STX11: variants seen among roughly 807,000 people sequenced by gnomAD.
STX11 encodes syntaxin-11.
In STX11, 21 loss-of-function variants were observed where a neutral mutation model predicts 19.9. The ratio of observed to expected loss-of-function variants is 1.06; its 90% CI spans 0.75 to 1.52. STX11 has a LOEUF of 1.52. Among genes scored for constraint, STX11 ranks in the 40% most tolerant of loss-of-function variants. The pLI, the probability that STX11 is intolerant of heterozygous loss-of-function variation, is 0.00. For synonymous variants in STX11, 193 were observed against 174.4 expected, an observed-to-expected ratio of 1.11 and a Z score of -0.84; for missense variants, 438 against 405.9, an observed-to-expected ratio of 1.08 and a Z score of -0.68.
the STX11 span, among the ~76,000 whole-genome samples, chr6:144,145,144 G>GC: frequency 1.3e-5 from 2 of 152,278 alleles, no homozygotes; most frequent in East Asian, 3.9e-4. Context: ...TGGAAGCAAC[G>GC]CAAGTGTCCA....
At chr6:144,148,730 G>C (rs1288305365), upstream of STX11, among the ~76,000 whole-genome samples, 7 of 152,136 alleles carry the variant, frequency 4.6e-5, no homozygotes, top group African/African-American at 1.7e-4. Flanking sequence ...GTTTCTTCTA[G>C]GCTGCGGCAG....
intron 1 of STX11, among the ~76,000 whole-genome samples, chr6:144,173,373 T>C (rs1801693843): frequency 6.6e-6 from 1 of 152,172 alleles, no homozygotes; most frequent in South Asian, 2.1e-4. Flanking sequence ...ACACTTAGAG[T>C]CTTAGAGCTC....
chr6:144,147,949 C>T (rs952054463), upstream of STX11, among the ~76,000 whole-genome samples: 1 of 152,202 alleles, frequency 6.6e-6, no homozygotes, highest in Admixed American at 6.5e-5. The surrounding 1 kb of genome is among the most constrained non-coding windows in gnomAD (Gnocchi z 4.2). Flanking sequence ...CACAGACACA[C>T]CCAGGATAAT....
At position 144,164,952 on chromosome 6, in the gene STX11, C is replaced by T. The variant is rs928294194; in HGVS notation, c.-6+14249C>T. Among the ~76,000 whole-genome samples, 12 of 152,114 alleles carry T rather than the reference C, an allele frequency of 7.9e-5. No homozygotes were observed. In the East Asian group the frequency reaches 2.3e-3, roughly 29 times the overall value. ...CCTCAGGTGATCCGCCTGCCTCGGC[C>T]TCCCAAAGTGCTGGGATTACAGGTG... is the stretch of plus-strand genomic sequence containing the variant. On this transcript the variant is annotated intron_variant, in intron 1 of 1. Transcript: ENST00000367568.
chr6:144,186,322 A>G (rs1802031043), intron 1 of STX11, among the ~76,000 whole-genome samples: 1 of 103,874 alleles, frequency 9.6e-6, no homozygotes, highest in Admixed American at 7.8e-5. Flanking sequence ...ATAATAAAAT[A>G]TATATAAATA....
Position 144,190,867 on chromosome 6 carries a change from C to A in STX11, c.*3376C>A, listed in dbSNP as rs1402088582. On this transcript the variant is annotated 3_prime_UTR_variant, in exon 2 of 2. Coordinates refer to ENST00000367568, the MANE Select transcript of STX11 (RefSeq NM_003764.4). The stretch of plus-strand genomic sequence containing the variant: ...TCCTGGCCTATTCACCAAAGCCCTT[C>A]CTGGCTCTGACTGCCACACCAGGCA... Among the ~76,000 whole-genome samples, 2 of 152,168 alleles carry A rather than the reference C, an allele frequency of 1.3e-5. No individual in the cohort carries two copies. Among genetic ancestry groups the A allele is most frequent in the African/African-American group, 4.8e-5 (2 of 41,432 alleles).
upstream of STX11, among the ~76,000 whole-genome samples, chr6:144,148,786 A>G (rs1352009457): frequency 2.0e-5 from 3 of 152,200 alleles, no homozygotes; most frequent in African/African-American, 4.8e-5. Context: ...TAGAGACAGC[A>G]TCTGGCTATG....
At chr6:144,171,855 A>G (rs1268807748) in intron 1 of STX11, among the ~76,000 whole-genome samples, 1 of 152,198 alleles carries the variant, frequency 6.6e-6, no homozygotes, top group Non-Finnish European at 1.5e-5. Flanking sequence ...ACTTTTACAT[A>G]CAATATGAGT....
Position 144,187,520 on chromosome 6 carries a change from C to T in STX11, c.*29C>T, listed in dbSNP as rs1409781486. 6.2e-7 allele frequency: 1 copy of T among 1,611,778 alleles called. No homozygotes were observed. The highest frequency in any genetic ancestry group is 8.5e-7 in the Non-Finnish European group (1 of 1,179,918). The stretch of plus-strand genomic sequence containing the variant: ...GCCGGCCCGGGCCGCCACCGCCCAT[C>T]CCAGACCATGGAGCGCGCTGGGAAG... On this transcript the variant is annotated 3_prime_UTR_variant, in exon 2 of 2. Transcript: ENST00000367568. This position sits in a 1 kb window ranked among gnomAD's most constrained non-coding sequence, Gnocchi z 5.6.
At chr6:144,181,867 C>G (rs140073440) in intron 1 of STX11, among the ~76,000 whole-genome samples, 62 of 152,288 alleles carry the variant, frequency 4.1e-4, no homozygotes, top group African/African-American at 1.2e-3. Flanking sequence ...AGCAATACCC[C>G]CTTCCTTCCT....
the STX11 span, among the ~76,000 whole-genome samples, chr6:144,142,644 A>G: frequency 4.6e-5 from 7 of 152,236 alleles, no homozygotes; most frequent in African/African-American, 1.4e-4. Flanking sequence ...TTATTATTTT[A>G]AGTAAAATAA....
intron 1 of STX11, among the ~76,000 whole-genome samples, chr6:144,166,836 C>T (rs1451777316): frequency 6.6e-6 from 1 of 151,310 alleles, no homozygotes; most frequent in Non-Finnish European, 1.5e-5. Context: ...CCACCTTCCC[C>T]CTTTCCCCCT....
rs1426330059 is a variant in STX11, at chr6:144,175,118, C to T, written c.-5-11505C>T. 1.3e-5 allele frequency among the ~76,000 whole-genome samples: 2 copies of T among 152,090 alleles called. No homozygotes were observed. Among genetic ancestry groups the T allele is most frequent in the African/African-American group, 4.8e-5 (2 of 41,418 alleles). Reference sequence around the variant, plus strand: ...GCCAGACATTAGCTGAGCATGGTGACACATGCCTGTAGTTTCAGCTACTCA... The same window carrying T: ...GCCAGACATTAGCTGAGCATGGTGATACATGCCTGTAGTTTCAGCTACTCA... On this transcript the variant is annotated intron_variant, in intron 1 of 1. Transcript: ENST00000367568. This position sits in a 1 kb window ranked among gnomAD's most constrained non-coding sequence, Gnocchi z 5.1.
In STX11 at chr6:144,155,224, G is replaced by A. The variant is rs1466981292; in HGVS notation, c.-6+4521G>A. ...CTTTGGACCATGTAAGGTTTAAAAC[G>A]CCCAATTAATGTTGTACCCAAACTG... On this transcript the variant is annotated intron_variant, in intron 1 of 1. Coordinates refer to ENST00000367568, the MANE Select transcript of STX11 (RefSeq NM_003764.4). The surrounding 1 kb of genome is among the most constrained non-coding windows in gnomAD (Gnocchi z 4.5). Among the ~76,000 whole-genome samples the A allele has an allele frequency of 3.9e-5, 6 of 152,068 alleles. No individual in the cohort carries two copies. Among genetic ancestry groups the A allele is most frequent in the Admixed American group, 6.5e-5 (1 of 15,272 alleles).
At chr6:144,143,161 T>G in the STX11 span, among the ~76,000 whole-genome samples, 1 of 152,198 alleles carries the variant, frequency 6.6e-6, no homozygotes, top group Non-Finnish European at 1.5e-5. Context: ...ATATTTCTAG[T>G]CTGCGTGTAC....
rs1178378072 is a variant in STX11 at position 144,159,069 on chromosome 6, CCTGTA to C, written c.-6+8367_-6+8371del. 1.3e-5 allele frequency among the ~76,000 whole-genome samples: 2 copies of C among 152,154 alleles called. No homozygotes were observed. The highest frequency in any genetic ancestry group is 4.8e-5 in the African/African-American group (2 of 41,426). Reference sequence around the variant, plus strand: ...TTATTATCATTATTCTCTCTAACAGCCTGTAAGAGCAAGAACAGTCTTTTTCATTT... The same window carrying C: ...TTATTATCATTATTCTCTCTAACAGCAGAGCAAGAACAGTCTTTTTCATTT... On this transcript the variant is annotated intron_variant, in intron 1 of 1. Transcript: ENST00000367568. The surrounding 1 kb of genome is among the most constrained non-coding windows in gnomAD (Gnocchi z 4.3).
intron 1 of STX11, among the ~76,000 whole-genome samples, chr6:144,161,602 A>G (rs560233722): frequency 1.7e-4 from 26 of 152,158 alleles, no homozygotes; most frequent in Non-Finnish European, 3.4e-4. Context: ...TCCTGACCTC[A>G]GGTGATCCAC....
Position 144,190,314 on chromosome 6 carries a change from A to G in STX11, c.*2823A>G, listed in dbSNP as rs1198162035. Reference sequence around the variant, plus strand: ...GTTTCCTCATCTGTAAAACGGAGATAACAGTACTTACCTCATAGAGCTGTT... The same window carrying G: ...GTTTCCTCATCTGTAAAACGGAGATGACAGTACTTACCTCATAGAGCTGTT... On this transcript the variant is annotated 3_prime_UTR_variant, in exon 2 of 2. Transcript: ENST00000367568. 6.6e-6 allele frequency among the ~76,000 whole-genome samples: 1 copy of G among 152,202 alleles called. No individual in the cohort carries two copies. Among genetic ancestry groups the G allele is most frequent in the East Asian group, 1.9e-4 (1 of 5,196 alleles).
intron 1 of STX11, 71 bp from the exon 2 acceptor site, chr6:144,186,550 TAA>T (rs1802039804): frequency 6.2e-7 from 1 of 1,603,678 alleles, no homozygotes; most frequent in South Asian, 1.1e-5. Context: ...GTAAAATGTT[TAA>T]GTTTCAATCC....
Sources: gnomAD v4.1 joint callset for allele counts (sites outside exome capture counted in the v4.1 genomes callset) on GRCh38, gnomAD v4.1.1 for gene constraint, Gnocchi (gnomAD v3.1) non-coding constraint, MANE v1.5 for transcripts, NCBI Gene and HGNC (gene_info 2026-07-23, HGNC 2026-07-21) for gene names.